The following PRIM2 variants were observed in gnomAD, a reference collection of about 807,000 sequenced individuals.
PRIM2 encodes DNA primase large subunit.
In PRIM2, 39 loss-of-function variants were observed where a neutral mutation model predicts 67.3. The observed-to-expected ratio is 0.58, with a 90% CI of 0.45 to 0.76. The LOEUF (loss-of-function observed/expected upper bound fraction) is 0.76. Among genes scored for constraint, PRIM2 ranks in the 30% least tolerant of loss-of-function variants. The pLI, the probability that PRIM2 is intolerant of heterozygous loss-of-function variation, is 0.00. For synonymous variants in PRIM2, 143 were observed against 198.7 expected, an observed-to-expected ratio of 0.72 and a Z score of 2.36; for missense variants, 398 against 598.7, an observed-to-expected ratio of 0.66 and a Z score of 3.50.
At chr6:57,639,849 A>C (rs1777198917) in intron 13 of PRIM2, among the ~76,000 whole-genome samples, 1 of 151,914 alleles carries the variant, frequency 6.6e-6, no homozygotes, top group Non-Finnish European at 1.5e-5. Flanking sequence ...ATTCTAAACA[A>C]CAGAAAAAGA....
intron 5 of PRIM2, among the ~76,000 whole-genome samples, chr6:57,369,840 A>G (rs1343193291): frequency 6.6e-6 from 1 of 152,252 alleles, no homozygotes; most frequent in Non-Finnish European, 1.5e-5. Flanking sequence ...CATTAGTTGC[A>G]GTAAACATTT....
the PRIM2 span, among the ~76,000 whole-genome samples, chr6:57,258,814 C>T: frequency 6.6e-6 from 1 of 152,152 alleles, no homozygotes; most frequent in African/African-American, 2.4e-5. Context: ...CTAGACTCAA[C>T]TCTACCATCT....
chr6:57,559,339 A>G (rs1775582839), intron 10 of PRIM2, among the ~76,000 whole-genome samples: 1 of 152,078 alleles, frequency 6.6e-6, no homozygotes, highest in South Asian at 2.1e-4. Flanking sequence ...TACAAGCAGA[A>G]CTGTTGACTG....
chr6:57,422,834 A>G (rs1223218771), intron 7 of PRIM2, among the ~76,000 whole-genome samples: 1 of 152,200 alleles, frequency 6.6e-6, no homozygotes, highest in African/African-American at 2.4e-5. Context: ...CAAGCAGGTC[A>G]GATACCAAGA....
chr6:57,519,232 G>C (rs1178557440), intron 8 of PRIM2, among the ~76,000 whole-genome samples: 1 of 152,184 alleles, frequency 6.6e-6, no homozygotes, highest in Non-Finnish European at 1.5e-5. Flanking sequence ...GAAGTTTTGG[G>C]CACCATTGTT....
At chr6:57,385,238 A>G (rs1770100556) in intron 7 of PRIM2, among the ~76,000 whole-genome samples, 1 of 152,158 alleles carries the variant, frequency 6.6e-6, no homozygotes, top group African/African-American at 2.4e-5. Flanking sequence ...TAAGCTTTCT[A>G]CCTTGTTGTT....
At chr6:57,343,342 G>GAT (rs1768558110) in intron 5 of PRIM2, among the ~76,000 whole-genome samples, 4 of 152,132 alleles carry the variant, frequency 2.6e-5, no homozygotes, top group Admixed American at 2.6e-4. Context: ...CCCATGCATT[G>GAT]ATATACATGA....
chr6:57,474,205 A>ACGGAGTCTC (rs1554344867), intron 7 of PRIM2, among the ~76,000 whole-genome samples: 3 of 29,944 alleles, frequency 1.0e-4, no homozygotes, highest in Non-Finnish European at 1.6e-4. Context: ...TTTTTTTTTG[A>ACGGAGTCTC]GCTCTGTCAC....
intron 7 of PRIM2, among the ~76,000 whole-genome samples, chr6:57,438,737 G>A (rs1772094137): frequency 6.6e-6 from 1 of 151,936 alleles, no homozygotes; most frequent in South Asian, 2.1e-4. Context: ...TATTCCCCAA[G>A]TTCATGAATT....
chr6:57,496,851 C>T (rs1475474231), intron 7 of PRIM2, among the ~76,000 whole-genome samples: 1 of 152,130 alleles, frequency 6.6e-6, no homozygotes, highest in Non-Finnish European at 1.5e-5. Flanking sequence ...AATGTCATCT[C>T]TGTCTCTCTG....
intron 5 of PRIM2, among the ~76,000 whole-genome samples, chr6:57,327,901 G>T (rs1362857858): frequency 1.3e-5 from 2 of 152,082 alleles, no homozygotes; most frequent in Admixed American, 6.6e-5. Context: ...GGATGGTTTT[G>T]GGATGAACAG....
intron 10 of PRIM2, among the ~76,000 whole-genome samples, chr6:57,538,071 A>C (rs1366751116): frequency 6.6e-6 from 1 of 151,564 alleles, no homozygotes; most frequent in African/African-American, 2.4e-5. Context: ...GCTGGAGTGC[A>C]ATGGTGCAAT....
At chr6:57,249,325 GGATTA>G in the PRIM2 span, among the ~76,000 whole-genome samples, 4 of 152,086 alleles carry the variant, frequency 2.6e-5, no homozygotes, top group African/African-American at 9.7e-5. Flanking sequence ...TTTTCTAGTA[GGATTA>G]CTTGTTTCAA....
intron 5 of PRIM2, among the ~76,000 whole-genome samples, chr6:57,334,818 C>T (rs974470368): frequency 6.6e-5 from 10 of 152,086 alleles, no homozygotes; most frequent in Admixed American, 1.3e-4. Context: ...TGAAGAAGTT[C>T]GGAGTCAATT....
intron 10 of PRIM2, among the ~76,000 whole-genome samples, chr6:57,580,866 T>A (rs1393395554): frequency 1.3e-5 from 2 of 152,162 alleles, no homozygotes; most frequent in African/African-American, 2.4e-5. Flanking sequence ...GTTAGATTTT[T>A]AAAATTCTAT....
upstream of PRIM2, among the ~76,000 whole-genome samples, chr6:57,311,161 C>T (rs1389875620): frequency 6.8e-6 from 1 of 148,118 alleles, no homozygotes; most frequent in African/African-American, 2.5e-5. Context: ...CCCCTCACCT[C>T]CCGGACGGGG....
At chr6:57,258,545 T>C in the PRIM2 span, among the ~76,000 whole-genome samples, 1 of 152,168 alleles carries the variant, frequency 6.6e-6, no homozygotes, top group Non-Finnish European at 1.5e-5. Flanking sequence ...CAGTAATGTT[T>C]GAAGTGGTTG....
intron 5 of PRIM2, among the ~76,000 whole-genome samples, chr6:57,349,974 G>A (rs1007903081): frequency 1.4e-4 from 22 of 152,086 alleles, no homozygotes; most frequent in Non-Finnish European, 3.2e-4. Flanking sequence ...AGCAGATGAA[G>A]GAAAGAGCCC....
At chr6:57,575,225 T>A (rs1775942021) in intron 10 of PRIM2, among the ~76,000 whole-genome samples, 1 of 152,168 alleles carries the variant, frequency 6.6e-6, no homozygotes. Flanking sequence ...TAGCCCAAGA[T>A]CCATCTTTTC....
Sources: allele counts gnomAD v4.1 joint callset (sites outside exome capture counted in the v4.1 genomes callset), GRCh38; gene constraint gnomAD v4.1.1; transcripts MANE v1.5; gene names NCBI Gene and HGNC (gene_info 2026-07-23, HGNC 2026-07-21).